ZNF503: variants seen among roughly 807,000 people sequenced by gnomAD.
The protein encoded by ZNF503 is zinc finger protein 503.
A neutral mutation model predicts 34.4 loss-of-function variants in ZNF503; 15 were observed. The observed-to-expected ratio is 0.44, with a 90% confidence interval of 0.29 to 0.67. The LOEUF (loss-of-function observed/expected upper bound fraction) is 0.67, where lower values mean the gene tolerates loss of function less well. ZNF503 is among the 30% of genes least tolerant of loss of function. ZNF503 has a pLI of 0.13. For synonymous variants in ZNF503, 580 were observed against 456.8 expected, an observed-to-expected ratio of 1.27 and a Z score of -3.44; for missense variants, 1,007 against 926.8, an observed-to-expected ratio of 1.09 and a Z score of -1.12.
downstream of ZNF503, among the ~76,000 whole-genome samples, chr10:75,393,438 A>C (rs546851983): frequency 6.6e-6 from 1 of 152,324 alleles, no homozygotes; most frequent in South Asian, 2.1e-4. Flanking sequence ...TATTATTTCA[A>C]AATAATGAGT....
the ZNF503 span, among the ~76,000 whole-genome samples, chr10:75,372,152 G>A: frequency 3.9e-5 from 6 of 152,244 alleles, no homozygotes; most frequent in African/African-American, 1.2e-4. Flanking sequence ...GGCTGGTCTC[G>A]AACTCCTGAC....
At chr10:75,325,477 G>A in the ZNF503 span, among the ~76,000 whole-genome samples, 9 of 151,734 alleles carry the variant, frequency 5.9e-5, 1 homozygote, top group Admixed American at 5.9e-4. Flanking sequence ...ACAGGTGCAA[G>A]GCACAGCACC....
chr10:75,388,858 C>A, the ZNF503 span, among the ~76,000 whole-genome samples: 1 of 152,228 alleles, frequency 6.6e-6, no homozygotes, highest in Non-Finnish European at 1.5e-5. Flanking sequence ...GCTTTTTTAT[C>A]TTTAAAATCT....
the ZNF503 span, among the ~76,000 whole-genome samples, chr10:75,317,302 G>A: frequency 8.2e-6 from 1 of 122,662 alleles, no homozygotes; most frequent in Non-Finnish European, 1.6e-5. Context: ...TTTTGAGACG[G>A]AGTCTCGCTG....
the ZNF503 span, among the ~76,000 whole-genome samples, chr10:75,368,277 C>T: frequency 6.6e-6 from 1 of 152,304 alleles, no homozygotes. Context: ...TCTTCTAATG[C>T]TCTGCAGCTC....
At chr10:75,346,560 C>G in the ZNF503 span, among the ~76,000 whole-genome samples, 37 of 151,592 alleles carry the variant, frequency 2.4e-4, no homozygotes, top group South Asian at 7.3e-3. Flanking sequence ...CCACCACCCC[C>G]CTCCAAGTAG....
chr10:75,292,444 T>A, the ZNF503 span, among the ~76,000 whole-genome samples: 8 of 152,218 alleles, frequency 5.3e-5, no homozygotes, highest in African/African-American at 1.9e-4. Flanking sequence ...ATGGGATTTG[T>A]CGTCATTTGC....
chr10:75,385,769 AC>A, the ZNF503 span, among the ~76,000 whole-genome samples: 2 of 152,200 alleles, frequency 1.3e-5, no homozygotes, highest in African/African-American at 2.4e-5. Context: ...TATTGGTGGC[AC>A]CAATGATTGG....
At chr10:75,335,138 T>C in the ZNF503 span, among the ~76,000 whole-genome samples, 1 of 152,208 alleles carries the variant, frequency 6.6e-6, no homozygotes, top group African/African-American at 2.4e-5. Flanking sequence ...AGTTTTCATA[T>C]CTCTAAAATG....
chr10:75,399,321 C>T lies in ZNF503; in HGVS notation c.1369G>A (p.Ala457Thr). 6.2e-7 allele frequency: 1 copy of T among 1,603,710 alleles called. No individual in the cohort carries two copies. Among genetic ancestry groups the T allele is most frequent in the Non-Finnish European group, 8.5e-7 (1 of 1,176,802 alleles). ...CCGGACTTCAGCGCCGCAGCCGCAG[C>T]AGCCGGATCATGTGCGCAAGAAGCG... Reference protein sequence around the residue: ...ASASCAHDPAAAAAALKSGYP... With the variant: ...ASASCAHDPATAAAALKSGYP... Residue 457 changes from alanine (A) to threonine (T), a missense_variant, in exon 2 of 2, where the codon GCT (alanine) becomes ACT (threonine). Ala to Thr is a moderately conservative substitution (Grantham distance 58, BLOSUM62 0). Coordinates refer to ENST00000372524, the MANE Select transcript of ZNF503 (RefSeq NM_032772.6).
the ZNF503 span, among the ~76,000 whole-genome samples, chr10:75,391,389 C>G: frequency 1.3e-5 from 2 of 152,102 alleles, no homozygotes; most frequent in African/African-American, 4.8e-5. Flanking sequence ...ATCTCGGACT[C>G]AGAGATGACG....
the ZNF503 span, among the ~76,000 whole-genome samples, chr10:75,319,731 C>T: frequency 2.9e-3 from 446 of 152,218 alleles, 5 homozygotes; most frequent in African/African-American, 0.01. Context: ...CAACTATGTG[C>T]TGTATACAAA....
At chr10:75,317,986 ACT>A in the ZNF503 span, among the ~76,000 whole-genome samples, 1 of 152,168 alleles carries the variant, frequency 6.6e-6, no homozygotes, top group African/African-American at 2.4e-5. Context: ...ACAGAGCGAG[ACT>A]CTGTCTCAAC....
At chr10:75,288,320 G>A in the ZNF503 span, 2,588 of 152,708 alleles carry the variant, frequency 0.017, 56 homozygotes, top group African/African-American at 0.057. Flanking sequence ...GTGTGCCTGG[G>A]CCTGGGGCCT....
At chr10:75,312,822 C>T in the ZNF503 span, among the ~76,000 whole-genome samples, 2 of 152,132 alleles carry the variant, frequency 1.3e-5, no homozygotes, top group East Asian at 1.9e-4. Context: ...GGCTCTGTGT[C>T]CCAACTCAAA....
At chr10:75,348,446 C>T in the ZNF503 span, among the ~76,000 whole-genome samples, 7 of 151,896 alleles carry the variant, frequency 4.6e-5, no homozygotes, top group African/African-American at 7.3e-5. Context: ...GATCTGCCCA[C>T]CTCGGTCTCC....
the ZNF503 span, among the ~76,000 whole-genome samples, chr10:75,314,236 C>CAAA: frequency 2.9e-3 from 262 of 89,712 alleles, no homozygotes; most frequent in Middle Eastern, 0.014. Flanking sequence ...GACTCCGTCT[C>CAAA]AAAAAAAAAA....
chr10:75,382,656 C>T, the ZNF503 span: 1 of 359,700 alleles, frequency 2.8e-6, no homozygotes, highest in Non-Finnish European at 5.5e-6. Context: ...CAGTCTTCTA[C>T]CTGAGTCCCC....
the ZNF503 span, among the ~76,000 whole-genome samples, chr10:75,344,314 C>A: frequency 6.6e-6 from 1 of 152,226 alleles, no homozygotes; most frequent in Non-Finnish European, 1.5e-5. Context: ...TTCCTACTTG[C>A]TTCAACATTC....
Sources: gnomAD v4.1 joint callset for allele counts (sites outside exome capture counted in the v4.1 genomes callset) on GRCh38, gnomAD v4.1.1 for gene constraint, MANE v1.5 for transcripts, NCBI Gene and HGNC (gene_info 2026-07-23, HGNC 2026-07-21) for gene names.